Variants in ENOSF1 observed in about 807,000 individuals in gnomAD.
ENOSF1 encodes mitochondrial enolase superfamily member 1.
Under a neutral mutation model 68.2 loss-of-function variants are expected in ENOSF1, and 73 were observed. The observed-to-expected ratio is 1.07, with a 90% CI of 0.89 to 1.30. The LOEUF is 1.30. Among genes scored for constraint, ENOSF1 ranks in the 50% most tolerant of loss-of-function variants. The pLI is 0.00. For synonymous variants in ENOSF1, 223 were observed against 210.4 expected, an observed-to-expected ratio of 1.06 and a Z score of -0.52; for missense variants, 589 against 554.5, an observed-to-expected ratio of 1.06 and a Z score of -0.62.
At position 672,950 on chromosome 18, in the gene ENOSF1, GA is replaced by G; in HGVS notation, c.*1354del. 1 of 1,596,096 alleles carries G rather than the reference GA, an allele frequency of 6.3e-7. No homozygotes were observed. Among genetic ancestry groups the G allele is most frequent in the South Asian group, 1.1e-5 (1 of 89,318 alleles). On this transcript the variant is annotated 3_prime_UTR_variant, in exon 16 of 16. Transcript: ENST00000647584. ...CTTCAAAGCTGAAGACTTTCAGATT[GA>G]AGGGTACAATCCGCATCCAACTATT...
At chr18:674,822 G>A (rs1304110495) in intron 15 of ENOSF1, among the ~76,000 whole-genome samples, 1 of 152,198 alleles carries the variant, frequency 6.6e-6, no homozygotes, top group African/African-American at 2.4e-5. Flanking sequence ...GCCCAGCCCT[G>A]AATTAATATT....
chr18:667,296 GGT>G (rs2074863070), downstream of ENOSF1, among the ~76,000 whole-genome samples: 1 of 38,652 alleles, frequency 2.6e-5, no homozygotes, highest in Admixed American at 2.0e-4. Flanking sequence ...TGATGGAGAT[GGT>G]GATGGTGATG....
Position 677,887 on chromosome 18 carries a change from G to T in ENOSF1, c.919-15C>A. 1 of 1,609,976 alleles carries T rather than the reference G, an allele frequency of 6.2e-7. No homozygotes were observed. Among genetic ancestry groups the T allele is most frequent in the Non-Finnish European group, 8.5e-7 (1 of 1,178,730 alleles). On this transcript the variant is annotated splice_polypyrimidine_tract_variant and intron_variant, in intron 12 of 15. Coordinates refer to ENST00000647584, the MANE Select transcript of ENOSF1 (RefSeq NM_017512.7). The stretch of plus-strand genomic sequence containing the variant: ...CTATTGTGGCACTGGAAATAGAATT[G>T]AAAATAACACCAACAGAAGAGTCAG...
intron 7 of ENOSF1, 128 bp downstream of exon 7, chr18:690,939 TG>T: frequency 8.1e-7 from 1 of 1,231,986 alleles, no homozygotes; most frequent in African/African-American, 1.5e-5. Context: ...CAGACTTGAA[TG>T]TTGATTTGAG....
downstream of ENOSF1, chr18:667,595 T>TGATGGA (rs2074881475): frequency 3.1e-5 from 3 of 95,294 alleles, 1 homozygote; most frequent in African/African-American, 5.5e-5. Flanking sequence ...ATGGTGATGG[T>TGATGGA]GATGGTGATG....
intron 11 of ENOSF1, among the ~76,000 whole-genome samples, chr18:679,394 A>C (rs1301357361): frequency 1.3e-5 from 2 of 151,650 alleles, no homozygotes; most frequent in Non-Finnish European, 2.9e-5. Context: ...TTTTTAATAG[A>C]GTCAGGGTTT....
rs2075073764 is a variant in ENOSF1, at chr18:671,885, T to G, written c.*2420A>C. ...ACCTCCACCTCCCGGGTTCAAGCAA[T>G]TCTTCTGCCTCAGCCTCCCAGGTAG... On this transcript the variant is annotated 3_prime_UTR_variant, in exon 16 of 16. Transcript: ENST00000647584. The G allele has an allele frequency of 5.7e-6, 1 of 175,090 alleles. No homozygotes were observed. Among genetic ancestry groups the G allele is most frequent in the South Asian group, 1.4e-4 (1 of 7,336 alleles). The allele number at this position is 175,090 out of a possible 1,614,324, so 10.8% of individuals were successfully genotyped here. A position where few individuals can be genotyped will look rare whatever the true frequency, so the allele number is the denominator to read the frequency against.
Position 670,526 on chromosome 18 carries a change from G to C in ENOSF1, c.*3779C>G. 9.0e-6 allele frequency: 6 copies of C among 665,416 alleles called. No homozygotes were observed. Among genetic ancestry groups the C allele is most frequent in the Non-Finnish European group, 1.5e-5 (6 of 393,714 alleles). 41.2% of individuals were successfully genotyped at this position (665,416 alleles called of 1,614,324 possible). ...CCGATGGATAGTCTCCCTCAGCTCCGTGCCATCGCTGCAGAGGCTGTTATG... is the reference window on the plus strand; with the variant it reads ...CCGATGGATAGTCTCCCTCAGCTCCCTGCCATCGCTGCAGAGGCTGTTATG... On this transcript the variant is annotated 3_prime_UTR_variant, in exon 16 of 16. Transcript: ENST00000647584.
chr18:678,286 A>C (rs1314318713), intron 12 of ENOSF1: 3 of 298,988 alleles, frequency 1.0e-5, no homozygotes, highest in Non-Finnish European at 1.9e-5. Flanking sequence ...TCAGCTCCTC[A>C]CGCTGCTCTG....
At position 694,190 on chromosome 18, in the gene ENOSF1, G is replaced by A. The variant is rs529324848; in HGVS notation, c.396+58C>T. ...GTGTCTGTCTTTCCTCTGTGCGTAG[G>A]GAAAGTCAGTGTCGTACAGCTCCCA... On this transcript the variant is annotated intron_variant, in intron 4 of 15. Transcript: ENST00000647584. 9.3e-5 allele frequency: 141 copies of A among 1,523,670 alleles called. No individual in the cohort carries two copies. The African/African-American group carries it at 1.7e-3, about 18-fold the overall frequency. 94.4% of individuals were successfully genotyped at this position (1,523,670 alleles called of 1,614,324 possible).
rs1361298117 is a variant in ENOSF1, at chr18:690,739, T to C, written c.536-108A>G. The C allele has an allele frequency of 4.1e-6, 5 of 1,208,122 alleles. No individual in the cohort carries two copies. In the East Asian group the frequency reaches 3.3e-4, roughly 79 times the overall value. The allele number at this position is 1,208,122 out of a possible 1,614,324, so 74.8% of individuals were successfully genotyped here. ...CTGGAGAGTCCAGCTGTTCTCCTGA[T>C]CCGGCCCTGCACACACACACCCAGC... is the stretch of plus-strand genomic sequence containing the variant. On this transcript the variant is annotated intron_variant, in intron 7 of 15. Transcript: ENST00000647584.
intron 1 of ENOSF1, among the ~76,000 whole-genome samples, chr18:707,208 T>TA (rs1391753381): frequency 1.3e-5 from 2 of 152,068 alleles, no homozygotes; most frequent in Non-Finnish European, 2.9e-5. Flanking sequence ...AATAAAAAAA[T>TA]AGAGATGGAG....
intron 14 of ENOSF1, among the ~76,000 whole-genome samples, chr18:676,265 T>A (rs1211482676): frequency 6.6e-6 from 1 of 152,174 alleles, no homozygotes; most frequent in Non-Finnish European, 1.5e-5. Context: ...TGGTTTGGAT[T>A]TGTTTTGGAT....
rs186309689 is a variant in ENOSF1, at chr18:697,395, C to A, written c.194-40G>T. 7,373 of 1,414,450 alleles carry A rather than the reference C, an allele frequency of 5.2e-3. 33 individuals carry two copies. The highest frequency in any genetic ancestry group is 6.5e-3 in the Non-Finnish European group (6,549 of 1,012,170). The allele number at this position is 1,414,450 out of a possible 1,614,324, so 87.6% of individuals were successfully genotyped here. On this transcript the variant is annotated intron_variant, in intron 2 of 15. Transcript: ENST00000647584. ...TTGAACTCTTGTTTATGCTTCTATA[C>A]TAGGTCAAGAAATTAGCACCTGAAA...
chr18:697,482 G>A, intron 2 of ENOSF1, 127 bp from the exon 3 acceptor site: 1 of 706,986 alleles, frequency 1.4e-6, no homozygotes, highest in Non-Finnish European at 2.3e-6. Context: ...CAGGCGCGGT[G>A]GCTCATGCCT....
intron 10 of ENOSF1, among the ~76,000 whole-genome samples, chr18:685,587 C>G (rs932122637): frequency 6.6e-6 from 1 of 152,064 alleles, no homozygotes; most frequent in Admixed American, 6.6e-5. Context: ...GTAATGGCCC[C>G]CTGACACCCT....
chr18:675,014 C>T (rs2075336549), intron 15 of ENOSF1, among the ~76,000 whole-genome samples: 2 of 152,190 alleles, frequency 1.3e-5, no homozygotes, highest in Non-Finnish European at 2.9e-5. Flanking sequence ...CAATTGTAGT[C>T]CAAACTTTTT....
intron 11 of ENOSF1, among the ~76,000 whole-genome samples, chr18:680,081 C>G (rs1166478817): frequency 6.6e-6 from 1 of 152,178 alleles, no homozygotes; most frequent in South Asian, 2.1e-4. Context: ...TCCACTGATT[C>G]CAGAGCCAGA....
chr18:680,357 C>T (rs1461449043), intron 11 of ENOSF1, among the ~76,000 whole-genome samples: 1 of 152,164 alleles, frequency 6.6e-6, no homozygotes, highest in African/African-American at 2.4e-5. Flanking sequence ...TATTTATCTC[C>T]AAAGAGAAGA....
Sources: gnomAD v4.1 joint callset for allele counts (sites outside exome capture counted in the v4.1 genomes callset) on GRCh38, gnomAD v4.1.1 for gene constraint, MANE v1.5 for transcripts, NCBI Gene and HGNC (gene_info 2026-07-23, HGNC 2026-07-21) for gene names.